Variants in LUZP2 observed in about 807,000 individuals in gnomAD.
The protein encoded by LUZP2 is leucine zipper protein 2.
LUZP2 carries 52 observed loss-of-function variants against 51.6 expected under a neutral mutation model. The observed-to-expected ratio is 1.01, with a 90% CI of 0.81 to 1.27. The LOEUF is 1.27. LUZP2 is among the 50% of genes most tolerant of loss of function. The pLI, the probability that LUZP2 is intolerant of heterozygous loss-of-function variation, is 0.00. For synonymous variants in LUZP2, 154 were observed against 137.3 expected, an observed-to-expected ratio of 1.12 and a Z score of -0.85; for missense variants, 436 against 395.4, an observed-to-expected ratio of 1.10 and a Z score of -0.87.
At position 24,635,573 on chromosome 11, in the gene LUZP2, A is replaced by G. The variant is rs71474713; in HGVS notation, c.63-93596A>G. On this transcript the variant is annotated intron_variant, in intron 1 of 11. Transcript: ENST00000336930. ...TATGCTGTTTATCCTTAAGTAATCA[A>G]TTTAAATTAAATTAAACTAATGATA... Among the ~76,000 whole-genome samples the G allele has an allele frequency of 5.9e-3, 900 of 152,286 alleles. 6 individuals carry two copies. The highest frequency in any genetic ancestry group is 0.017 in the South Asian group (81 of 4,824).
intron 1 of LUZP2, among the ~76,000 whole-genome samples, chr11:24,558,333 C>T (rs1509610): frequency 0.42 from 63,361 of 151,684 alleles, 13,756 homozygotes; most frequent in African/African-American, 0.51. Flanking sequence ...GGGATTTTTT[C>T]GGACTTCATA....
chr11:24,633,161 C>A (rs951127544), intron 1 of LUZP2, among the ~76,000 whole-genome samples: 1 of 151,890 alleles, frequency 6.6e-6, no homozygotes, highest in South Asian at 2.1e-4. Flanking sequence ...TGGCATTTTT[C>A]CACATTTATT....
intron 7 of LUZP2, among the ~76,000 whole-genome samples, chr11:24,951,799 T>A (rs1855088395): frequency 6.6e-6 from 1 of 151,592 alleles, no homozygotes; most frequent in South Asian, 2.1e-4. Flanking sequence ...TATGTCAAAG[T>A]TGAAAACCCT....
chr11:24,534,072 T>A (rs550810546), intron 1 of LUZP2, among the ~76,000 whole-genome samples: 1 of 151,384 alleles, frequency 6.6e-6, no homozygotes, highest in Non-Finnish European at 1.5e-5. Flanking sequence ...ATAAATAAAT[T>A]GTTTCCCTTT....
chr11:25,008,020 G>A (rs760085735), intron 9 of LUZP2, among the ~76,000 whole-genome samples: 8 of 152,056 alleles, frequency 5.3e-5, no homozygotes, highest in Non-Finnish European at 1.0e-4. Context: ...TTTAATAAAC[G>A]TTCATTTAAA....
At chr11:24,674,176 G>A (rs1856477721) in intron 1 of LUZP2, among the ~76,000 whole-genome samples, 1 of 152,054 alleles carries the variant, frequency 6.6e-6, no homozygotes, top group Admixed American at 6.6e-5. Flanking sequence ...GGAATTAGTA[G>A]ACTCATTTTA....
chr11:24,994,684 G>A (rs1229470741), intron 9 of LUZP2, among the ~76,000 whole-genome samples: 4 of 152,150 alleles, frequency 2.6e-5, no homozygotes, highest in African/African-American at 7.2e-5. Context: ...AGATTTTAAA[G>A]GGATGACATT....
At chr11:24,719,522 C>A (rs1858180921) in intron 1 of LUZP2, among the ~76,000 whole-genome samples, 1 of 152,124 alleles carries the variant, frequency 6.6e-6, no homozygotes. Flanking sequence ...CACAATGTAA[C>A]AAGTACTCAA....
intron 1 of LUZP2, among the ~76,000 whole-genome samples, chr11:24,631,657 T>TTTTGTG (rs1301765091): frequency 4.0e-5 from 6 of 151,742 alleles, no homozygotes; most frequent in Non-Finnish European, 8.8e-5. Context: ...CGGTCTGTAG[T>TTTTGTG]TGTGTGTGTG....
chr11:24,884,593 T>C (rs1852607362), intron 5 of LUZP2, among the ~76,000 whole-genome samples: 1 of 152,056 alleles, frequency 6.6e-6, no homozygotes, highest in South Asian at 2.1e-4. Context: ...ATGCACCTTT[T>C]GAGTTTAATC....
intron 7 of LUZP2, among the ~76,000 whole-genome samples, chr11:24,918,646 A>T (rs1260056693): frequency 1.3e-5 from 2 of 151,744 alleles, no homozygotes; most frequent in Non-Finnish European, 2.9e-5. Context: ...TTTAAAAAAA[A>T]AATCCTAAAT....
intron 1 of LUZP2, among the ~76,000 whole-genome samples, chr11:24,564,208 C>G (rs1050614379): frequency 6.6e-6 from 1 of 152,204 alleles, no homozygotes; most frequent in Middle Eastern, 3.4e-3. Flanking sequence ...GCTGTGAACT[C>G]CTTGCATGCC....
At chr11:24,650,901 G>T (rs1565053496) in intron 1 of LUZP2, among the ~76,000 whole-genome samples, 1 of 151,940 alleles carries the variant, frequency 6.6e-6, no homozygotes, top group East Asian at 1.9e-4. Context: ...CTGAACTTTT[G>T]TAAGTCTCAA....
In LUZP2 at chr11:24,964,862, T is replaced by A. The variant is rs182282017; in HGVS notation, c.523-11729T>A. On this transcript the variant is annotated intron_variant, in intron 7 of 11. Coordinates refer to ENST00000336930, the MANE Select transcript of LUZP2 (RefSeq NM_001009909.4). ...GTTCATATATATCACTGAAATTTCT[T>A]GTTCTCAATGCATGGTATAAAAGGA... Among the ~76,000 whole-genome samples the A allele has an allele frequency of 1.6e-4, 24 of 152,056 alleles. No homozygotes were observed. The East Asian group carries it at 4.5e-3, about 28-fold the overall frequency.
At chr11:24,498,762 G>A (rs758616012) in intron 1 of LUZP2, among the ~76,000 whole-genome samples, 5 of 152,154 alleles carry the variant, frequency 3.3e-5, no homozygotes, top group Non-Finnish European at 5.9e-5. Context: ...TCACTCTTAT[G>A]TTGTGATTTA....
At chr11:24,610,084 A>C (rs771871587) in intron 1 of LUZP2, among the ~76,000 whole-genome samples, 10 of 152,290 alleles carry the variant, frequency 6.6e-5, no homozygotes, top group Admixed American at 1.3e-4. Context: ...AAATAAACTC[A>C]CTTGCCATTC....
intron 5 of LUZP2, among the ~76,000 whole-genome samples, chr11:24,770,638 A>G (rs545202470): frequency 6.6e-6 from 1 of 152,306 alleles, no homozygotes; most frequent in South Asian, 2.1e-4. Flanking sequence ...ACTGGCCAAT[A>G]TCGGATTCCC....
chr11:24,963,691 G>C (rs976439584), intron 7 of LUZP2, among the ~76,000 whole-genome samples: 1 of 151,344 alleles, frequency 6.6e-6, no homozygotes, highest in Non-Finnish European at 1.5e-5. Context: ...GACTAGGAAA[G>C]GGAACTCCTT....
At chr11:24,807,220 C>T (rs1304782628) in intron 5 of LUZP2, among the ~76,000 whole-genome samples, 1 of 151,856 alleles carries the variant, frequency 6.6e-6, no homozygotes, top group Admixed American at 6.6e-5. Flanking sequence ...TTTTGGGAGG[C>T]CAAGGTGGGA....
Sources: allele counts gnomAD v4.1 joint callset (sites outside exome capture counted in the v4.1 genomes callset), GRCh38; gene constraint gnomAD v4.1.1; transcripts MANE v1.5; gene names NCBI Gene and HGNC (gene_info 2026-07-23, HGNC 2026-07-21).